SNX4: variants seen among roughly 807,000 people sequenced by gnomAD.
SNX4 encodes sorting nexin 4, also known as sorting nexin-4.
A neutral mutation model predicts 70.8 loss-of-function variants in SNX4; 49 were observed. That is an observed-to-expected ratio of 0.69 (90% CI 0.55 to 0.88). The LOEUF (loss-of-function observed/expected upper bound fraction) is 0.88. SNX4 is among the 40% of genes least tolerant of loss of function. The pLI, the probability that SNX4 is intolerant of heterozygous loss-of-function variation, is 0.00. For missense variants in SNX4, 528 were observed against 544.8 expected (o/e 0.97, Z 0.31); for synonymous variants, 206 against 183.8 (o/e 1.12, Z -0.98).
intron 2 of SNX4, among the ~76,000 whole-genome samples, chr3:125,504,009 C>T (rs1934986497): frequency 6.6e-6 from 1 of 151,994 alleles, no homozygotes; most frequent in Non-Finnish European, 1.5e-5. Flanking sequence ...CCAGACTGAG[C>T]AACAGAGTGA....
chr3:125,455,739 C>A (rs78916327), intron 11 of SNX4, among the ~76,000 whole-genome samples: 15,517 of 152,146 alleles, frequency 0.1, 833 homozygotes, highest in African/African-American at 0.14. Flanking sequence ...CTTGGCCAGG[C>A]GCGCTGGCTC....
chr3:125,481,844 C>T (rs1934418790), intron 6 of SNX4, among the ~76,000 whole-genome samples: 3 of 152,294 alleles, frequency 2.0e-5, no homozygotes, highest in Middle Eastern at 3.4e-3. Flanking sequence ...AGCTCATCCA[C>T]AGGATTCACA....
At chr3:125,452,458 G>T (rs1197948036) in intron 12 of SNX4, among the ~76,000 whole-genome samples, 1 of 152,044 alleles carries the variant, frequency 6.6e-6, no homozygotes, top group East Asian at 1.9e-4. Context: ...CTTGGTAGCC[G>T]GTAGTCCCAG....
rs752149134 is a variant in SNX4 at position 125,451,404 on chromosome 3, G to C, written c.1206C>G (p.Asn402Lys). Reference protein sequence around the residue: ...KNLEGREFVKNAWADIERFKE... With the variant: ...KNLEGREFVKKAWADIERFKE... ...TGAAGCGTTCAATATCAGCCCATGC[G>C]TTTTTCACAAATTCTCTGAAATAAA... is the stretch of plus-strand genomic sequence containing the variant. The change falls in exon 13 of 14, where the codon AAC (asparagine) becomes AAG (lysine). Residue 402 changes from asparagine to lysine, a missense_variant. Physicochemically the swap from Asn to Lys is moderately conservative, Grantham distance 94. Around this residue, in one of 3 missense-constraint regions of SNX4, gnomAD observed 159 missense variants for 172.6 expected, o/e 0.92. Transcript: ENST00000251775. 1.2e-6 allele frequency: 2 copies of C among 1,611,424 alleles called. No homozygotes were observed. Among genetic ancestry groups the C allele is most frequent in the African/African-American group, 2.7e-5 (2 of 74,764 alleles).
chr3:125,469,632 C>T (rs1934117670), intron 8 of SNX4, 113 bp from the exon 9 acceptor site: 3 of 716,606 alleles, frequency 4.2e-6, no homozygotes, highest in Middle Eastern at 4.8e-4. Context: ...TGTATAGCAC[C>T]CGTATTTGGG....
rs772965145 is a variant in SNX4 at position 125,498,145 on chromosome 3, G to C, written c.313C>G (p.Arg105Gly). ...AACAACTCAAATTCACTATATCGCC[G>C]CCATAGTGAGTCTGTTAGGACACTC... is the stretch of plus-strand genomic sequence containing the variant. Reference protein sequence around the residue: ...GQSVLTDSLWRRYSEFELLRS... With the variant: ...GQSVLTDSLWGRYSEFELLRS... Residue 105 changes from arginine to glycine, a missense_variant, in exon 3 of 14, where the codon CGG (arginine) becomes GGG (glycine). By Grantham distance (125) the Arg-to-Gly change is moderately radical (BLOSUM62 -2). Coordinates refer to ENST00000251775, the MANE Select transcript of SNX4 (RefSeq NM_003794.4). 1 of 1,613,884 alleles carries C rather than the reference G, an allele frequency of 6.2e-7. No homozygotes were observed. Among genetic ancestry groups the C allele is most frequent in the African/African-American group, 1.3e-5 (1 of 74,990 alleles).
chr3:125,461,531 A>G (rs540631375), intron 9 of SNX4, among the ~76,000 whole-genome samples: 134 of 152,354 alleles, frequency 8.8e-4, no homozygotes, highest in African/African-American at 3.0e-3. Flanking sequence ...TGTAGAAAGA[A>G]TAAGAGTTTG....
chr3:125,511,577 T>C (rs1935176479), intron 1 of SNX4, among the ~76,000 whole-genome samples: 1 of 152,168 alleles, frequency 6.6e-6, no homozygotes, highest in South Asian at 2.1e-4. Flanking sequence ...CTAGGCCATA[T>C]GTTTCAGAAA....
chr3:125,469,772 T>C (rs951386680), intron 8 of SNX4, among the ~76,000 whole-genome samples: 3 of 152,224 alleles, frequency 2.0e-5, no homozygotes, highest in Non-Finnish European at 2.9e-5. Flanking sequence ...CTTCTGGTTA[T>C]AGATTACATT....
chr3:125,490,520 T>C, intron 5 of SNX4, among the ~76,000 whole-genome samples: 1 of 107,098 alleles, frequency 9.3e-6, no homozygotes, highest in Admixed American at 1.1e-4. Context: ...TGAGACTCTG[T>C]CTCCAAAAAA....
intron 9 of SNX4, among the ~76,000 whole-genome samples, chr3:125,463,010 G>A (rs1933922946): frequency 6.6e-6 from 1 of 152,224 alleles, no homozygotes; most frequent in South Asian, 2.1e-4. Context: ...GGGGCTATGT[G>A]TATGTACTAC....
At chr3:125,455,247 T>C (rs1299507280) in intron 11 of SNX4, among the ~76,000 whole-genome samples, 11 of 152,184 alleles carry the variant, frequency 7.2e-5, no homozygotes, top group Non-Finnish European at 1.3e-4. Flanking sequence ...AATTTCATAA[T>C]CAAATGGAAA....
Position 125,447,811 on chromosome 3 carries a change from T to C in SNX4, c.1321A>G (p.Thr441Ala), listed in dbSNP as rs145960363. The change falls in exon 14 of 14, where the codon ACC (threonine) becomes GCC (alanine). Residue 441 changes from threonine to alanine, a missense_variant. Thr to Ala is a moderately conservative substitution (Grantham distance 58). Transcript: ENST00000251775. Reference sequence around the variant, plus strand: ...TTGCTAAAGCATTCCTTAGCATTGGTCCAAACTTGAATTCCCTAAAAATAA... The same window carrying C: ...TTGCTAAAGCATTCCTTAGCATTGGCCCAAACTTGAATTCCCTAAAAATAA... ...SMCKKGIQVW[T>A]NAKECFSKM 5 of 1,591,946 alleles carry C rather than the reference T, an allele frequency of 3.1e-6. No homozygotes were observed. The highest frequency in any genetic ancestry group is 1.7e-6 in the Non-Finnish European group (2 of 1,170,778).
chr3:125,515,560 G>A (rs1417714459), intron 1 of SNX4, among the ~76,000 whole-genome samples: 1 of 150,900 alleles, frequency 6.6e-6, no homozygotes, highest in Non-Finnish European at 1.5e-5. Flanking sequence ...AGCTACTCCA[G>A]AGGCTGAGGT....
At chr3:125,470,005 G>A (rs1934125065) in intron 8 of SNX4, among the ~76,000 whole-genome samples, 1 of 152,110 alleles carries the variant, frequency 6.6e-6, no homozygotes. Flanking sequence ...GCAGAGTAAA[G>A]TTTTAATAAT....
At chr3:125,504,262 G>A (rs1934994018) in intron 2 of SNX4, among the ~76,000 whole-genome samples, 1 of 149,336 alleles carries the variant, frequency 6.7e-6, no homozygotes, top group Non-Finnish European at 1.5e-5. Flanking sequence ...GAATCCGGGA[G>A]ACAGAGATTG....
chr3:125,453,324 G>C (rs924726033), intron 12 of SNX4, among the ~76,000 whole-genome samples: 3 of 152,148 alleles, frequency 2.0e-5, no homozygotes, highest in Non-Finnish European at 2.9e-5. Flanking sequence ...ACTTCAGCTG[G>C]GTACTGAAGG....
At chr3:125,449,198 C>G (rs1157978429) in intron 13 of SNX4, 1 of 151,576 alleles carries the variant, frequency 6.6e-6, no homozygotes, top group Admixed American at 6.6e-5. Flanking sequence ...TGGAGGCAGG[C>G]GGATCATGAG....
intron 6 of SNX4, among the ~76,000 whole-genome samples, chr3:125,481,525 C>T (rs1934412657): frequency 6.6e-6 from 1 of 151,600 alleles, no homozygotes; most frequent in Non-Finnish European, 1.5e-5. Context: ...CTTGGCTCAC[C>T]ACAACCTCCG....
Sources: gnomAD v4.1 joint callset for allele counts (sites outside exome capture counted in the v4.1 genomes callset) on GRCh38, gnomAD v4.1.1 for gene constraint, gnomAD v4.1.1 regional missense constraint, MANE v1.5 for transcripts, NCBI Gene and HGNC (gene_info 2026-07-23, HGNC 2026-07-21) for gene names.